The following TWSG1 variants were observed in gnomAD, a reference collection of about 807,000 sequenced individuals.
The protein encoded by TWSG1 is twisted gastrulation BMP signaling modulator 1.
Under a neutral mutation model 23.0 loss-of-function variants are expected in TWSG1, and 15 were observed. The ratio of observed to expected loss-of-function variants is 0.65; its 90% CI spans 0.44 to 1.00. TWSG1 has a LOEUF of 1.00. TWSG1 is among the 50% of genes least tolerant of loss of function. TWSG1 has a pLI of 0.00. For synonymous variants in TWSG1, 86 were observed against 92.8 expected, an observed-to-expected ratio of 0.93 and a Z score of 0.42; for missense variants, 242 against 278.7, an observed-to-expected ratio of 0.87 and a Z score of 0.94.
chr18:9,390,414 G>T (rs564728633), intron 3 of TWSG1, among the ~76,000 whole-genome samples: 1 of 152,142 alleles, frequency 6.6e-6, no homozygotes, highest in East Asian at 1.9e-4. Context: ...GCCCCCCTCG[G>T]CCTCCCAAAG....
At chr18:9,352,054 C>T (rs577939899) in intron 2 of TWSG1, among the ~76,000 whole-genome samples, 2 of 152,244 alleles carry the variant, frequency 1.3e-5, no homozygotes, top group South Asian at 4.1e-4. Flanking sequence ...TAAAGCATTC[C>T]CTTGTGCCCC....
intron 3 of TWSG1, among the ~76,000 whole-genome samples, chr18:9,387,810 G>T (rs7237136): frequency 0.51 from 77,258 of 150,334 alleles, 20,495 homozygotes; most frequent in African/African-American, 0.64. Context: ...CAGCAAATAC[G>T]TTTTACCCCT....
chr18:9,342,874 A>G (rs1176271245), intron 2 of TWSG1, among the ~76,000 whole-genome samples: 1 of 152,130 alleles, frequency 6.6e-6, no homozygotes, highest in African/African-American at 2.4e-5. Flanking sequence ...TTGAAGATGT[A>G]TTTATTCTCA....
chr18:9,388,998 T>G (rs948448227), intron 3 of TWSG1, among the ~76,000 whole-genome samples: 2 of 152,104 alleles, frequency 1.3e-5, no homozygotes, highest in African/African-American at 4.8e-5. Context: ...GTTTTTGAGA[T>G]GGAATTTCGC....
At chr18:9,360,560 C>T (rs2040547705) in intron 3 of TWSG1, among the ~76,000 whole-genome samples, 1 of 152,130 alleles carries the variant, frequency 6.6e-6, no homozygotes, top group South Asian at 2.1e-4. Flanking sequence ...ACTTTTAAAA[C>T]CCCAGTTCAA....
intron 2 of TWSG1, among the ~76,000 whole-genome samples, chr18:9,341,299 T>C (rs2040445430): frequency 6.6e-6 from 1 of 152,232 alleles, no homozygotes; most frequent in South Asian, 2.1e-4. Context: ...TTTCTTCTAG[T>C]TCTAGGCAGT....
chr18:9,351,622 G>GTTTTTTTTTTTTTTTT, intron 2 of TWSG1, among the ~76,000 whole-genome samples: 1 of 116,606 alleles, frequency 8.6e-6, no homozygotes, highest in Non-Finnish European at 1.8e-5. Flanking sequence ...ACCATGCTGG[G>GTTTTTTTTTTTTTTTT]TTTTTTTTTT....
At chr18:9,361,673 G>A (rs192880682) in intron 3 of TWSG1, among the ~76,000 whole-genome samples, 1 of 152,316 alleles carries the variant, frequency 6.6e-6, no homozygotes, top group Admixed American at 6.5e-5. Flanking sequence ...GAACCTGAGG[G>A]GTGAGGTCAC....
At chr18:9,344,255 G>T (rs544748914) in intron 2 of TWSG1, among the ~76,000 whole-genome samples, 2 of 152,184 alleles carry the variant, frequency 1.3e-5, no homozygotes, top group African/African-American at 4.8e-5. Flanking sequence ...GAGTAGAATT[G>T]CTGGGCCATA....
At chr18:9,395,306 T>G (rs187583561) in intron 3 of TWSG1, among the ~76,000 whole-genome samples, 1 of 152,322 alleles carries the variant, frequency 6.6e-6, no homozygotes, top group East Asian at 1.9e-4. Flanking sequence ...AAGTCATTAT[T>G]AATGACCTTT....
intron 2 of TWSG1, among the ~76,000 whole-genome samples, chr18:9,358,707 G>A (rs1568033691): frequency 6.6e-6 from 1 of 152,138 alleles, no homozygotes; most frequent in Non-Finnish European, 1.5e-5. Flanking sequence ...TTCCTTGTCA[G>A]CTGTGGGCTG....
chr18:9,352,388 T>C (rs2040506153), intron 2 of TWSG1, among the ~76,000 whole-genome samples: 2 of 152,216 alleles, frequency 1.3e-5, no homozygotes, highest in African/African-American at 4.8e-5. Context: ...ATGTTGATAC[T>C]TTCCCATATG....
intron 3 of TWSG1, among the ~76,000 whole-genome samples, chr18:9,380,065 C>T (rs2040649265): frequency 1.3e-5 from 2 of 152,086 alleles, no homozygotes; most frequent in South Asian, 4.1e-4. Flanking sequence ...AGAATTTTGT[C>T]TAGGAAAACA....
At chr18:9,383,182 C>CTTTT (rs2040666293) in intron 3 of TWSG1, among the ~76,000 whole-genome samples, 1 of 74,190 alleles carries the variant, frequency 1.3e-5, no homozygotes, top group African/African-American at 6.8e-5. Context: ...CCGAATTACA[C>CTTTT]GTTTTTTTTT....
chr18:9,350,602 G>C (rs2040498077), intron 2 of TWSG1, among the ~76,000 whole-genome samples: 1 of 152,100 alleles, frequency 6.6e-6, no homozygotes, highest in African/African-American at 2.4e-5. Flanking sequence ...TTGTTACTAG[G>C]TTTATGTGAG....
At chr18:9,369,731 A>G (rs551055009) in intron 3 of TWSG1, among the ~76,000 whole-genome samples, 16 of 151,878 alleles carry the variant, frequency 1.1e-4, no homozygotes, top group Non-Finnish European at 1.0e-4. Flanking sequence ...GGATCTCTCT[A>G]TGCTGCCCAG....
intron 3 of TWSG1, among the ~76,000 whole-genome samples, chr18:9,376,729 G>C (rs960083068): frequency 4.6e-5 from 7 of 151,866 alleles, no homozygotes; most frequent in Non-Finnish European, 1.0e-4. Flanking sequence ...CTACTTGGGA[G>C]GCTAAGGTGG....
At chr18:9,370,683 TG>T (rs1305668465) in intron 3 of TWSG1, among the ~76,000 whole-genome samples, 1 of 152,180 alleles carries the variant, frequency 6.6e-6, no homozygotes, top group Non-Finnish European at 1.5e-5. Flanking sequence ...ATTTATCCAT[TG>T]GGTCAAATAG....
At chr18:9,336,856 G>A (rs2040425580) in intron 1 of TWSG1, among the ~76,000 whole-genome samples, 1 of 152,080 alleles carries the variant, frequency 6.6e-6, no homozygotes, top group African/African-American at 2.4e-5. Context: ...CAAAATTATT[G>A]TTTATTTTTG....
Sources: gnomAD v4.1 joint callset for allele counts (sites outside exome capture counted in the v4.1 genomes callset) on GRCh38, gnomAD v4.1.1 for gene constraint, MANE v1.5 for transcripts, NCBI Gene and HGNC (gene_info 2026-07-23, HGNC 2026-07-21) for gene names.